Variants in ZC3H3 observed in about 807,000 individuals in gnomAD.
ZC3H3 encodes the protein zinc finger CCCH domain-containing protein 3.
Under a neutral mutation model 77.3 loss-of-function variants are expected in ZC3H3, and 36 were observed. That is an observed-to-expected ratio of 0.47 (90% CI 0.36 to 0.61). The LOEUF is 0.61. Among genes scored for constraint, ZC3H3 ranks in the 20% least tolerant of loss-of-function variants. The pLI, the probability that ZC3H3 is intolerant of heterozygous loss-of-function variation, is 0.00. For synonymous variants in ZC3H3, 626 were observed against 555.2 expected (o/e 1.13, Z -1.79); for missense variants, 1,331 against 1,312.2 (o/e 1.01, Z -0.22).
At chr8:143,528,838 G>T (rs11782064) in intron 3 of ZC3H3, among the ~76,000 whole-genome samples, 106 of 152,268 alleles carry the variant, frequency 7.0e-4, no homozygotes, top group African/African-American at 2.1e-3. Flanking sequence ...CCTCTGGGAG[G>T]GGGGGCGCCT....
At chr8:143,473,150 G>A (rs994666914) in intron 5 of ZC3H3, among the ~76,000 whole-genome samples, 2 of 152,190 alleles carry the variant, frequency 1.3e-5, no homozygotes, top group African/African-American at 4.8e-5. Context: ...ACTACCGGGA[G>A]CTTTCTGAAT....
At chr8:143,529,428 G>A (rs917883302) in intron 3 of ZC3H3, among the ~76,000 whole-genome samples, 3 of 152,156 alleles carry the variant, frequency 2.0e-5, no homozygotes, top group African/African-American at 7.2e-5. Context: ...CCTCTCCAAG[G>A]CACCGGGAGG....
At chr8:143,529,264 G>A (rs997856859) in intron 3 of ZC3H3, among the ~76,000 whole-genome samples, 1 of 152,186 alleles carries the variant, frequency 6.6e-6, no homozygotes, top group African/African-American at 2.4e-5. Context: ...GGGACAGAGG[G>A]ACAGAGGGGT....
rs201437544 is a variant in ZC3H3, at chr8:143,536,228, A to T, written c.1561+29T>A. 1.5e-3 allele frequency: 2,419 copies of T among 1,595,158 alleles called. 15 individuals are homozygous for T. The African/African-American group carries it at 0.017, about 11-fold the overall frequency. ...TATCCCATCAGGCAGGCCCAGCCCCAGTGCCCAGCGCCCCTGCTCCCAGCA... is the reference window on the plus strand; with the variant it reads ...TATCCCATCAGGCAGGCCCAGCCCCTGTGCCCAGCGCCCCTGCTCCCAGCA... On this transcript the variant is annotated intron_variant, in intron 3 of 11. Transcript: ENST00000262577.
chr8:143,508,524 C>G (rs2130424824), intron 3 of ZC3H3, among the ~76,000 whole-genome samples: 1 of 152,366 alleles, frequency 6.6e-6, no homozygotes, highest in African/African-American at 2.4e-5. Flanking sequence ...TAACAGGAAT[C>G]TTTTGCCCGA....
At chr8:143,527,344 C>T (rs1822447350) in intron 3 of ZC3H3, among the ~76,000 whole-genome samples, 1 of 152,160 alleles carries the variant, frequency 6.6e-6, no homozygotes, top group Admixed American at 6.5e-5. Flanking sequence ...AAAGGAGCAG[C>T]CCAAGCTGTC....
In ZC3H3 at chr8:143,462,484, T is replaced by C. The variant is rs528337780; in HGVS notation, c.2307+3233A>G. ...AAGGCACCAACAGAGAAGCGCTGTATGTGAACAAAACCAAGACAGGCGCTG... is the reference window on the plus strand; with the variant it reads ...AAGGCACCAACAGAGAAGCGCTGTACGTGAACAAAACCAAGACAGGCGCTG... On this transcript the variant is annotated intron_variant, in intron 9 of 11. Transcript: ENST00000262577. This position sits in a 1 kb window ranked among gnomAD's most constrained non-coding sequence, Gnocchi z 4.7. Among the ~76,000 whole-genome samples, 8 of 152,318 alleles carry C rather than the reference T, an allele frequency of 5.3e-5. No homozygotes were observed. In the South Asian group the frequency reaches 1.2e-3, roughly 24 times the overall value.
intron 9 of ZC3H3, among the ~76,000 whole-genome samples, chr8:143,457,205 G>A (rs761556681): frequency 2.1e-4 from 32 of 152,226 alleles, no homozygotes; most frequent in Middle Eastern, 3.4e-3. Context: ...AAAACAAACC[G>A]TGAGAAACTC....
intron 3 of ZC3H3, among the ~76,000 whole-genome samples, chr8:143,508,150 C>G (rs1821765119): frequency 6.6e-6 from 1 of 152,268 alleles, no homozygotes; most frequent in African/African-American, 2.4e-5. Context: ...CTCCAGCCAT[C>G]TGGAGAAACA....
chr8:143,440,440 G>A (rs1819710331), intron 10 of ZC3H3, 77 bp from the exon 11 acceptor site: 2 of 1,470,276 alleles, frequency 1.4e-6, no homozygotes, highest in African/African-American at 1.4e-5. Flanking sequence ...CCATGCTCTT[G>A]GCTGCTTCCT....
At chr8:143,442,834 A>G (rs935113363) in intron 9 of ZC3H3, among the ~76,000 whole-genome samples, 5 of 152,232 alleles carry the variant, frequency 3.3e-5, no homozygotes, top group African/African-American at 1.2e-4. Flanking sequence ...ACATGATTCC[A>G]TCTGCTTTGG....
intron 4 of ZC3H3, chr8:143,484,583 T>A (rs1290614279): frequency 6.4e-6 from 1 of 156,758 alleles, no homozygotes; most frequent in African/African-American, 2.4e-5. Flanking sequence ...CAAGTATTAG[T>A]GGGACTTCAT....
At chr8:143,515,065 A>G (rs1821990397) in intron 3 of ZC3H3, among the ~76,000 whole-genome samples, 2 of 152,270 alleles carry the variant, frequency 1.3e-5, no homozygotes, top group African/African-American at 4.8e-5. Flanking sequence ...CCTTGCACCC[A>G]CCGTCTGGAT....
At position 143,539,072 on chromosome 8, in the gene ZC3H3, G is replaced by A. The variant is rs778966440; in HGVS notation, c.295C>T (p.Arg99Trp). 1.2e-5 allele frequency: 19 copies of A among 1,612,856 alleles called. No individual in the cohort carries two copies. In the East Asian group the frequency reaches 2.0e-4, roughly 17 times the overall value. Reference sequence around the variant, plus strand: ...TGCGGGACAGGAGGCTGGCCCCCCCGGGCCCCGTGCAACGGCCGCACAGCA... The same window carrying A: ...TGCGGGACAGGAGGCTGGCCCCCCCAGGCCCCGTGCAACGGCCGCACAGCA... ...DHAVRPLHGA[R>W]GGQPPVPQQH... The change falls in exon 2 of 12, where the codon CGG (arginine) becomes TGG (tryptophan). Residue 99 changes from arginine to tryptophan, a missense_variant. Physicochemically the swap from Arg to Trp is moderately radical, Grantham distance 101 (BLOSUM62 -3). Around this residue, in one of 3 missense-constraint regions of ZC3H3, gnomAD observed 978 missense variants for 915.5 expected, o/e 1.07. Transcript: ENST00000262577.
chr8:143,507,937 A>C (rs758645841), intron 3 of ZC3H3, 38 bp from the exon 4 acceptor site: 2 of 1,530,712 alleles, frequency 1.3e-6, no homozygotes, highest in Non-Finnish European at 1.8e-6. Context: ...TGGGTCAGGG[A>C]AGGCCGGCAA....
chr8:143,469,986 C>T (rs563340241), intron 5 of ZC3H3, among the ~76,000 whole-genome samples: 3 of 152,348 alleles, frequency 2.0e-5, no homozygotes, highest in Non-Finnish European at 2.9e-5. Context: ...CCCAAAGCCG[C>T]CCAGCCCCAA....
chr8:143,501,554 G>A (rs1191100598), intron 4 of ZC3H3, among the ~76,000 whole-genome samples: 1 of 151,564 alleles, frequency 6.6e-6, no homozygotes, highest in Non-Finnish European at 1.5e-5. Context: ...TCTGATCACG[G>A]GTGTGAGCCA....
intron 4 of ZC3H3, among the ~76,000 whole-genome samples, chr8:143,486,434 T>C (rs376679384): frequency 3.3e-5 from 5 of 152,366 alleles, no homozygotes; most frequent in Non-Finnish European, 5.9e-5. Flanking sequence ...CCTCTGGGCA[T>C]GTGCCCCTGG....
At chr8:143,482,081 G>A (rs1429263884) in intron 4 of ZC3H3, among the ~76,000 whole-genome samples, 2 of 152,280 alleles carry the variant, frequency 1.3e-5, no homozygotes, top group Non-Finnish European at 2.9e-5. Context: ...AAGATGACCA[G>A]GTTAGAAAGC....
Sources: gnomAD v4.1 joint callset for allele counts (sites outside exome capture counted in the v4.1 genomes callset) on GRCh38, gnomAD v4.1.1 for gene constraint, gnomAD v4.1.1 regional missense constraint, Gnocchi (gnomAD v3.1) non-coding constraint, MANE v1.5 for transcripts, NCBI Gene and HGNC (gene_info 2026-07-23, HGNC 2026-07-21) for gene names.